VDR: variants seen among roughly 807,000 people sequenced by gnomAD.
VDR encodes vitamin D3 receptor.
In VDR, 19 loss-of-function variants were observed where a neutral mutation model predicts 39.7. The ratio of observed to expected loss-of-function variants is 0.48; its 90% CI spans 0.33 to 0.70. VDR has a LOEUF of 0.70. VDR is among the 30% of genes least tolerant of loss of function. The pLI, the probability that VDR is intolerant of heterozygous loss-of-function variation, is 0.02. For synonymous variants in VDR, 242 were observed against 215.8 expected (o/e 1.12, Z -1.07); for missense variants, 442 against 570.5 (o/e 0.77, Z 2.29).
At chr12:47,888,776 G>C (rs979386353) in intron 1 of VDR, among the ~76,000 whole-genome samples, 1 of 152,154 alleles carries the variant, frequency 6.6e-6, no homozygotes, top group African/African-American at 2.4e-5. Flanking sequence ...GGGAAGATGG[G>C]GAGAGGTTGG....
At chr12:47,896,831 T>C (rs1023897515) in intron 1 of VDR, 14 of 152,166 alleles carry the variant, frequency 9.2e-5, no homozygotes, top group African/African-American at 3.4e-4. Context: ...CAGAAGTCAC[T>C]TCCTGCCCCT....
intron 3 of VDR, among the ~76,000 whole-genome samples, chr12:47,876,416 T>C (rs1167555265): frequency 6.6e-6 from 1 of 152,136 alleles, no homozygotes; most frequent in Non-Finnish European, 1.5e-5. Flanking sequence ...ACATGTTGGC[T>C]CTTTAGAATG....
intron 2 of VDR, among the ~76,000 whole-genome samples, chr12:47,881,830 C>A (rs199870357): frequency 6.6e-6 from 1 of 152,066 alleles, no homozygotes; most frequent in African/African-American, 2.4e-5. Context: ...GCCAGCATCC[C>A]GGAGGCCCAA....
intron 2 of VDR, 70 bp downstream of exon 2, chr12:47,882,624 C>A (rs1946173174): frequency 9.5e-6 from 4 of 422,304 alleles, no homozygotes; most frequent in African/African-American, 2.3e-5. Context: ...CCTTCTTATG[C>A]CCCTCCCCCC....
intron 1 of VDR, chr12:47,904,690 C>T (rs1565642834): frequency 2.7e-6 from 4 of 1,501,536 alleles, no homozygotes; most frequent in East Asian, 4.9e-5. Flanking sequence ...GTGCTAAGCA[C>T]TGTGTTAGCG....
intron 7 of VDR, among the ~76,000 whole-genome samples, chr12:47,853,531 T>G (rs1414981968): frequency 2.0e-5 from 3 of 151,550 alleles, no homozygotes; most frequent in Non-Finnish European, 4.4e-5. Context: ...GGCTGGCAGA[T>G]CACCTGAGGT....
At chr12:47,895,751 C>T (rs1013592544) in intron 1 of VDR, among the ~76,000 whole-genome samples, 2 of 152,158 alleles carry the variant, frequency 1.3e-5, no homozygotes, top group Admixed American at 6.5e-5. Context: ...TTTTAGAAAT[C>T]AAGAGTTTAC....
chr12:47,853,674 G>T, intron 7 of VDR, among the ~76,000 whole-genome samples: 1 of 152,116 alleles, frequency 6.6e-6, no homozygotes, highest in Non-Finnish European at 1.5e-5. Context: ...AGAATTGCTT[G>T]AACCCAGGAG....
In VDR at chr12:47,857,619, A is replaced by G. The variant is rs1470558331; in HGVS notation, c.347T>C (p.Leu116Ser). 4 of 1,614,106 alleles carry G rather than the reference A, an allele frequency of 2.5e-6. No individual in the cohort carries two copies. The highest frequency in any genetic ancestry group is 1.7e-4 in the Middle Eastern group (1 of 6,060). ...CAGCTTGGGCCGCAGACTGTCCTTCAAGGCCTCCTCCTCCTTCCGCTTCAG... is the reference window on the plus strand; with the variant it reads ...CAGCTTGGGCCGCAGACTGTCCTTCGAGGCCTCCTCCTCCTTCCGCTTCAG... Reference protein sequence around the residue: ...MILKRKEEEALKDSLRPKLSE... With the variant: ...MILKRKEEEASKDSLRPKLSE... The change falls in exon 5 of 10, where the codon TTG becomes TCG. Residue 116 changes from leucine to serine, a missense_variant. Around this residue, in one of 5 missense-constraint regions of VDR, gnomAD observed 46 missense variants for 82.0 expected, o/e 0.56. Coordinates refer to ENST00000549336, the MANE Select transcript of VDR (RefSeq NM_000376.3).
intron 1 of VDR, among the ~76,000 whole-genome samples, chr12:47,897,460 G>A (rs1946482904): frequency 6.6e-6 from 1 of 152,214 alleles, no homozygotes; most frequent in African/African-American, 2.4e-5. Context: ...AGAAGCACCT[G>A]CCTGCCCGGA....
chr12:47,879,433 G>T (rs1946094144), intron 2 of VDR, among the ~76,000 whole-genome samples: 1 of 152,220 alleles, frequency 6.6e-6, no homozygotes, highest in Non-Finnish European at 1.5e-5. Flanking sequence ...ATTGGAAGAG[G>T]TGTTTTACTT....
chr12:47,871,722 C>T (rs1327745924), intron 3 of VDR, among the ~76,000 whole-genome samples: 1 of 152,220 alleles, frequency 6.6e-6, no homozygotes, highest in Non-Finnish European at 1.5e-5. Context: ...ACCTTGGCCT[C>T]CCAAAGTGCT....
At position 47,880,298 on chromosome 12, in the gene VDR, G is replaced by C. The variant is rs564853327; in HGVS notation, c.-2-1183C>G. Among the ~76,000 whole-genome samples, 266 of 152,214 alleles carry C rather than the reference G, an allele frequency of 1.7e-3. 1 individual carries two copies. Among genetic ancestry groups the C allele is most frequent in the African/African-American group, 5.9e-3 (245 of 41,512 alleles). On this transcript the variant is annotated intron_variant, in intron 2 of 9. Coordinates refer to ENST00000549336, the MANE Select transcript of VDR (RefSeq NM_000376.3). The stretch of plus-strand genomic sequence containing the variant: ...TTGGGTGACAGAGGCAGATTCTGGG[G>C]GCCCTTGGGAGGCTCTGAGCTACTT...
At chr12:47,856,471 T>C (rs1239552374) in intron 6 of VDR, among the ~76,000 whole-genome samples, 1 of 152,144 alleles carries the variant, frequency 6.6e-6, no homozygotes, top group African/African-American at 2.4e-5. Flanking sequence ...ATTAGGTACA[T>C]TATTGTATTC....
intron 8 of VDR, 61 bp downstream of exon 8, chr12:47,846,596 C>G (rs753627579): frequency 6.2e-7 from 1 of 1,608,088 alleles, no homozygotes; most frequent in Non-Finnish European, 8.5e-7. Flanking sequence ...AACCCCAGGA[C>G]GGGTGGAGCC....
At chr12:47,884,006 G>A (rs1274787703) in intron 1 of VDR, among the ~76,000 whole-genome samples, 3 of 152,346 alleles carry the variant, frequency 2.0e-5, no homozygotes, top group South Asian at 2.1e-4. Flanking sequence ...ATGCTGCCAC[G>A]TACCCCCAAC....
chr12:47,890,095 A>G (rs972809292), intron 1 of VDR, among the ~76,000 whole-genome samples: 3 of 152,024 alleles, frequency 2.0e-5, no homozygotes, highest in African/African-American at 4.8e-5. Context: ...CAACTAGAAC[A>G]TGATTCAAAA....
At chr12:47,862,683 G>A (rs932968953) in intron 4 of VDR, among the ~76,000 whole-genome samples, 8 of 152,170 alleles carry the variant, frequency 5.3e-5, no homozygotes, top group Non-Finnish European at 1.5e-5. Flanking sequence ...TCTTCCTGTG[G>A]TTTTACAAAT....
chr12:47,902,595 T>C (rs1276707314), intron 1 of VDR, among the ~76,000 whole-genome samples: 1 of 152,182 alleles, frequency 6.6e-6, no homozygotes, highest in African/African-American at 2.4e-5. Flanking sequence ...CAGGGACAAA[T>C]GGAAGCTGGA....
Sources: gnomAD v4.1 joint callset for allele counts (sites outside exome capture counted in the v4.1 genomes callset) on GRCh38, gnomAD v4.1.1 for gene constraint, gnomAD v4.1.1 regional missense constraint, MANE v1.5 for transcripts, NCBI Gene and HGNC (gene_info 2026-07-23, HGNC 2026-07-21) for gene names.